The following RBM33 variants were observed in gnomAD, a reference collection of about 807,000 sequenced individuals.
RBM33 encodes RNA binding motif protein 33.
A neutral mutation model predicts 132.6 loss-of-function variants in RBM33; 28 were observed. That is an observed-to-expected ratio of 0.21 (90% CI 0.16 to 0.29). The LOEUF is 0.29. Ranked by LOEUF, RBM33 falls within the 10% of genes least tolerant of loss-of-function variation. The pLI is 1.00. For missense variants in RBM33, 1,291 were observed against 1,518.5 expected (o/e 0.85, Z 2.49); for synonymous variants, 634 against 593.0 (o/e 1.07, Z -1.01).
At position 155,766,521 on chromosome 7, in the gene RBM33, C is replaced by T. The variant is rs542737553; in HGVS notation, c.3241C>T (p.Leu1081=). 2.5e-6 allele frequency: 4 copies of T among 1,613,838 alleles called. No homozygotes were observed. Among genetic ancestry groups the T allele is most frequent in the Non-Finnish European group, 3.4e-6 (4 of 1,179,864 alleles). The change falls in exon 16 of 18, where the codon CTG becomes TTG. Residue 1081 remains leucine, a synonymous_variant. Transcript: ENST00000401878. ...GVAGPMGRGR[L]MPNKQNLRVV... ...GGCCGGTCCCATGGGCCGGGGGCGC[C>T]TGATGCCAAACAAGCAGAACCTGCG...
Position 155,680,704 on chromosome 7 carries a change from A to G in RBM33, c.363A>G (p.Glu121=). ...SGEQESEYEQ[E]QGEDELVYHK... is the part of the protein sequence containing the mutation. The stretch of plus-strand genomic sequence containing the variant: ...AACAGGAATCTGAGTATGAACAAGA[A>G]CAAGGAGAGGATGAACTGGTTTATC... The change falls in exon 5 of 18, where the codon GAA becomes GAG. Residue 121 remains glutamate (E), a synonymous_variant. Transcript: ENST00000401878. 1.2e-6 allele frequency: 2 copies of G among 1,613,096 alleles called. No homozygotes were observed. Among genetic ancestry groups the G allele is most frequent in the Non-Finnish European group, 8.5e-7 (1 of 1,179,516 alleles).
intron 5 of RBM33, chr7:155,685,053 G>C: frequency 3.2e-6 from 5 of 1,548,222 alleles, no homozygotes; most frequent in Middle Eastern, 1.7e-4. Context: ...AACTGAAGAG[G>C]TATTTGTTCA....
At chr7:155,708,430 ACT>A (rs1800179771) in intron 7 of RBM33, among the ~76,000 whole-genome samples, 1 of 152,132 alleles carries the variant, frequency 6.6e-6, no homozygotes, top group Non-Finnish European at 1.5e-5. Flanking sequence ...GGGCCAAACA[ACT>A]CTCATACGAG....
At position 155,711,271 on chromosome 7, in the gene RBM33, G is replaced by GCCGCTGCAGCCGCTGCTT. The variant is rs1800285340; in HGVS notation, c.1021_1038dup (p.Leu341_Pro346dup). The GCCGCTGCAGCCGCTGCTT allele has an allele frequency of 6.2e-7, 1 of 1,602,554 alleles. No homozygotes were observed. Among genetic ancestry groups the GCCGCTGCAGCCGCTGCTT allele is most frequent in the East Asian group, 2.3e-5 (1 of 43,454 alleles). On this transcript the variant is annotated inframe_insertion, in exon 8 of 18. Transcript: ENST00000401878. Reference sequence around the variant, plus strand: ...CGATCAGAAGCCTGTTCCAGCCGCAGCCGCTGCAGCCGCTGCTTCCGGTGC... The same window carrying GCCGCTGCAGCCGCTGCTT: ...CGATCAGAAGCCTGTTCCAGCCGCAGCCGCTGCAGCCGCTGCTTCCGCTGCAGCCGCTGCTTCCGGTGC...
Position 155,680,741 on chromosome 7 carries a change from G to A in RBM33, c.400G>A (p.Gly134Arg). 6.2e-7 allele frequency: 1 copy of A among 1,613,504 alleles called. No homozygotes were observed. The highest frequency in any genetic ancestry group is 8.5e-7 in the Non-Finnish European group (1 of 1,179,686). ...TGAACTGGTTTATCACAAATCTGAT[G>A]GATCAGAATTGTATACTCAAGAGTA... is the stretch of plus-strand genomic sequence containing the variant. ...EDELVYHKSD[G>R]SELYTQEYPE... Residue 134 changes from glycine (G) to arginine (R), a missense_variant, in exon 5 of 18, where the codon GGA (glycine) becomes AGA (arginine). Transcript: ENST00000401878.
At chr7:155,661,083 CTGTGTGTGTGTGTGGTGTGTG>C (rs1299829370) in intron 1 of RBM33, among the ~76,000 whole-genome samples, 1 of 132,384 alleles carries the variant, frequency 7.6e-6, no homozygotes, top group South Asian at 2.4e-4. Flanking sequence ...AAAATAATTT[CTGTGTGTGTGTGTGGTGTGTG>C]TGTGTGTGTG....
intron 7 of RBM33, among the ~76,000 whole-genome samples, chr7:155,709,630 A>G (rs1414545851): frequency 6.6e-6 from 1 of 152,214 alleles, no homozygotes; most frequent in Non-Finnish European, 1.5e-5. Context: ...TCTTGAATTA[A>G]TGACCATGCA....
chr7:155,773,509 A>C (rs1301337360), intron 16 of RBM33, among the ~76,000 whole-genome samples: 1 of 138,602 alleles, frequency 7.2e-6, no homozygotes. Context: ...TGGAGGTTGC[A>C]GTGAGCTGAG....
At chr7:155,764,755 C>T (rs986512716) in intron 15 of RBM33, among the ~76,000 whole-genome samples, 2 of 152,250 alleles carry the variant, frequency 1.3e-5, no homozygotes, top group Non-Finnish European at 2.9e-5. Context: ...GAGACCTGGG[C>T]GCAGCCCTGC....
At chr7:155,656,569 G>T (rs1419954514) in intron 1 of RBM33, among the ~76,000 whole-genome samples, 1 of 151,920 alleles carries the variant, frequency 6.6e-6, no homozygotes, top group Non-Finnish European at 1.5e-5. Context: ...AAAACATATC[G>T]AGTGAGACTC....
At chr7:155,773,780 G>C (rs1296052998) in intron 16 of RBM33, among the ~76,000 whole-genome samples, 1 of 151,994 alleles carries the variant, frequency 6.6e-6, no homozygotes, top group East Asian at 1.9e-4. Context: ...GATCCTAAAG[G>C]CTTAAGAAAG....
At chr7:155,669,658 G>GTTTT (rs1286100514) in intron 2 of RBM33, among the ~76,000 whole-genome samples, 2 of 152,186 alleles carry the variant, frequency 1.3e-5, no homozygotes, top group Admixed American at 1.3e-4. Context: ...GGCCCAAAAA[G>GTTTT]TTTTAACTGA....
rs140714028 is a variant in RBM33 at position 155,691,541 on chromosome 7, A to G, written c.568-9232A>G. Among the ~76,000 whole-genome samples, 1,099 of 152,276 alleles carry G rather than the reference A, an allele frequency of 7.2e-3. 17 individuals carry two copies. Among genetic ancestry groups the G allele is most frequent in the African/African-American group, 0.025 (1,048 of 41,558 alleles). On this transcript the variant is annotated intron_variant, in intron 5 of 17. Transcript: ENST00000401878. Reference sequence around the variant, plus strand: ...TTTCTTTATTCTTCCCTGATACTCTATAATATTTGTAGCATATCTTAAAAT... The same window carrying G: ...TTTCTTTATTCTTCCCTGATACTCTGTAATATTTGTAGCATATCTTAAAAT...
intron 16 of RBM33, among the ~76,000 whole-genome samples, chr7:155,768,149 T>C (rs772668768): frequency 5.3e-5 from 8 of 152,258 alleles, no homozygotes; most frequent in Non-Finnish European, 1.2e-4. Context: ...TTGTGGACTT[T>C]GCTTCATCCT....
At chr7:155,715,281 A>C (rs1800428558) in intron 8 of RBM33, among the ~76,000 whole-genome samples, 1 of 152,150 alleles carries the variant, frequency 6.6e-6, no homozygotes, top group African/African-American at 2.4e-5. Flanking sequence ...CTGTCAGTCT[A>C]ATTTGTTGGA....
rs1436828932 is a variant in RBM33, at chr7:155,763,992, A to T, written c.3160A>T (p.Ile1054Phe). ...GCCTGTCCCTCCAGGGATCAAAAGC[A>T]TCCAAGGAATTCACCCGGCGAAGAA... ...HSPVPPGIKS[I>F]QGIHPAKKAI... The change falls in exon 15 of 18, where the codon ATC becomes TTC. Residue 1054 changes from isoleucine to phenylalanine, a missense_variant. Physicochemically the swap from Ile to Phe is conservative, Grantham distance 21 (BLOSUM62 0). Coordinates refer to ENST00000401878, the MANE Select transcript of RBM33 (RefSeq NM_053043.3). 5.7e-6 allele frequency: 9 copies of T among 1,566,518 alleles called. No individual in the cohort carries two copies. In the South Asian group the frequency reaches 9.5e-5, roughly 16 times the overall value.
chr7:155,679,476 A>C lies in RBM33; in HGVS notation c.248+792A>C, dbSNP rs189393311. On this transcript the variant is annotated intron_variant, in intron 4 of 17. Coordinates refer to ENST00000401878, the MANE Select transcript of RBM33 (RefSeq NM_053043.3). ...ACGATGAATGTCTTTCTGTTGACATATAGTAAGCTATATTAAAAGAGGAGA... is the reference window on the plus strand; with the variant it reads ...ACGATGAATGTCTTTCTGTTGACATCTAGTAAGCTATATTAAAAGAGGAGA... Among the ~76,000 whole-genome samples the C allele has an allele frequency of 1.5e-3, 215 of 140,426 alleles. 4 individuals carry two copies. The highest frequency in any genetic ancestry group is 5.4e-3 in the African/African-American group (205 of 38,034). 92.1% of individuals were successfully genotyped at this position (140,426 alleles called of 152,430 possible). A position where few individuals can be genotyped will look rare whatever the true frequency, so the allele number is the denominator to read the frequency against.
At chr7:155,691,411 G>T (rs1364927101) in intron 5 of RBM33, among the ~76,000 whole-genome samples, 1 of 152,108 alleles carries the variant, frequency 6.6e-6, no homozygotes. Context: ...CGATGGGTTC[G>T]AACTTCCTCA....
intron 1 of RBM33, among the ~76,000 whole-genome samples, chr7:155,655,081 A>C (rs941320791): frequency 2.6e-5 from 4 of 152,262 alleles, no homozygotes; most frequent in African/African-American, 9.6e-5. Context: ...AGAATAAAGA[A>C]GACCATAAAT....
Sources: gnomAD v4.1 joint callset for allele counts (sites outside exome capture counted in the v4.1 genomes callset) on GRCh38, gnomAD v4.1.1 for gene constraint, MANE v1.5 for transcripts, NCBI Gene and HGNC (gene_info 2026-07-23, HGNC 2026-07-21) for gene names.